BMPR1B: variants seen among roughly 807,000 people sequenced by gnomAD.
The protein encoded by BMPR1B is bone morphogenetic protein receptor type-1B.
In BMPR1B, 12 loss-of-function variants were observed where a neutral mutation model predicts 59.1. That is an observed-to-expected ratio of 0.20 (90% CI 0.13 to 0.33). BMPR1B has a LOEUF of 0.33. Ranked by LOEUF, BMPR1B falls within the 10% of genes least tolerant of loss-of-function variation. The pLI is 1.00. For missense variants in BMPR1B, 550 were observed against 610.9 expected, an observed-to-expected ratio of 0.90 and a Z score of 1.05; for synonymous variants, 237 against 207.3, an observed-to-expected ratio of 1.14 and a Z score of -1.23.
At chr4:95,105,873 G>A (rs995386415) in intron 4 of BMPR1B, among the ~76,000 whole-genome samples, 4 of 151,990 alleles carry the variant, frequency 2.6e-5, no homozygotes, top group Admixed American at 2.0e-4. Context: ...AGCAAAATTA[G>A]CAGGAGCAAA....
intron 6 of BMPR1B, among the ~76,000 whole-genome samples, chr4:95,116,085 T>A (rs1483328165): frequency 6.6e-6 from 1 of 152,150 alleles, no homozygotes; most frequent in Admixed American, 6.6e-5. Context: ...ACTCTGCTTC[T>A]CCCTGAAAGT....
chr4:95,051,584 G>T (rs1021939509), intron 3 of BMPR1B: 7 of 928,692 alleles, frequency 7.5e-6, no homozygotes, highest in Non-Finnish European at 1.1e-5. Context: ...AGGGTTGCTG[G>T]CAGGCTTGCG....
intron 3 of BMPR1B, among the ~76,000 whole-genome samples, chr4:95,018,397 G>A (rs1464767945): frequency 2.0e-5 from 3 of 152,096 alleles, no homozygotes; most frequent in Non-Finnish European, 4.4e-5. Context: ...AAATAATGAA[G>A]CCATTTACTC....
intron 2 of BMPR1B, among the ~76,000 whole-genome samples, chr4:94,895,436 G>A (rs927273632): frequency 2.6e-5 from 4 of 151,800 alleles, no homozygotes; most frequent in East Asian, 1.9e-4. Flanking sequence ...TTAGACAAAC[G>A]TATCTAGTAT....
chr4:95,027,240 C>A (rs1439135523), intron 3 of BMPR1B, among the ~76,000 whole-genome samples: 1 of 151,972 alleles, frequency 6.6e-6, no homozygotes, highest in African/African-American at 2.4e-5. Flanking sequence ...ACTTGTTTCC[C>A]AATTAGCTTA....
intron 3 of BMPR1B, among the ~76,000 whole-genome samples, chr4:95,089,723 T>C (rs1729841996): frequency 6.6e-6 from 1 of 152,088 alleles, no homozygotes; most frequent in African/African-American, 2.4e-5. Flanking sequence ...AGATCTCTCC[T>C]TAGTGTTTCT....
chr4:94,964,136 T>C (rs1730468796), intron 2 of BMPR1B, among the ~76,000 whole-genome samples: 2 of 152,192 alleles, frequency 1.3e-5, no homozygotes, highest in Non-Finnish European at 1.5e-5. Flanking sequence ...TGTTAGCTTT[T>C]AGCATATATA....
intron 2 of BMPR1B, among the ~76,000 whole-genome samples, chr4:94,968,301 T>C (rs3796425): frequency 0.52 from 78,604 of 151,860 alleles, 20,932 homozygotes; most frequent in African/African-American, 0.61. Flanking sequence ...AGGCTGCACC[T>C]GGAGGAACAT....
intron 3 of BMPR1B, among the ~76,000 whole-genome samples, chr4:95,101,084 T>C (rs1226955032): frequency 2.6e-5 from 4 of 152,140 alleles, no homozygotes; most frequent in South Asian, 2.1e-4. Flanking sequence ...TAGGATAACA[T>C]TGCAGAGCTG....
At position 95,129,942 on chromosome 4, in the gene BMPR1B, G is replaced by C. The variant is rs1733195347; in HGVS notation, c.666G>C (p.Lys222Asn). ...KGRYGEVWMG[K>N]WRGEKVAVKV... ...GCTATGGGGAAGTTTGGATGGGAAA[G>C]TGGCGTGGCGAAAAGGTAGCTGTGA... is the stretch of plus-strand genomic sequence containing the variant. Residue 222 changes from lysine to asparagine, a missense_variant, in exon 9 of 13, where the codon AAG becomes AAC. By Grantham distance (94) the Lys-to-Asn change is moderately conservative. Around this residue, in one of 6 missense-constraint regions of BMPR1B, gnomAD observed 318 missense variants for 284.6 expected, o/e 1.12. Coordinates refer to ENST00000515059, the MANE Select transcript of BMPR1B (RefSeq NM_001203.3). 8 of 1,613,948 alleles carry C rather than the reference G, an allele frequency of 5.0e-6. No homozygotes were observed. The highest frequency in any genetic ancestry group is 6.8e-6 in the Non-Finnish European group (8 of 1,179,904).
intron 3 of BMPR1B, among the ~76,000 whole-genome samples, chr4:95,090,668 C>T (rs574551520): frequency 6.6e-5 from 10 of 152,062 alleles, no homozygotes; most frequent in African/African-American, 2.2e-4. Flanking sequence ...GTGCTTACAG[C>T]ACTTTGAAAT....
Position 95,152,755 on chromosome 4 carries a change from C to T in BMPR1B, c.1365C>T (p.Asn455=). Reference sequence around the variant, plus strand: ...AGAAGTTACGCCCCTCATTCCCAAACCGGTGGAGCAGTGATGAGGTAAGGC... The same window carrying T: ...AGAAGTTACGCCCCTCATTCCCAAATCGGTGGAGCAGTGATGAGGTAAGGC... ...CIKKLRPSFP[N]RWSSDECLRQ... Residue 455 remains asparagine, a synonymous_variant, in exon 12 of 13, where the codon AAC becomes AAT. Coordinates refer to ENST00000515059, the MANE Select transcript of BMPR1B (RefSeq NM_001203.3). The T allele has an allele frequency of 1.9e-6, 3 of 1,611,910 alleles. No homozygotes were observed. The highest frequency in any genetic ancestry group is 2.5e-6 in the Non-Finnish European group (3 of 1,179,080).
intron 2 of BMPR1B, among the ~76,000 whole-genome samples, chr4:94,980,991 TCACACACACACA>T (rs71583675): frequency 1.4e-4 from 3 of 21,762 alleles, no homozygotes; most frequent in Admixed American, 5.4e-4. Context: ...CAAGACTCCA[TCACACACACACA>T]CACACACACA....
At chr4:95,133,834 C>T (rs768109627) in intron 10 of BMPR1B, among the ~76,000 whole-genome samples, 3 of 151,132 alleles carry the variant, frequency 2.0e-5, no homozygotes, top group African/African-American at 4.8e-5. Flanking sequence ...CCTCCCAAAA[C>T]GCTGGGATTA....
intron 1 of BMPR1B, among the ~76,000 whole-genome samples, chr4:94,845,350 T>A (rs1011273773): frequency 2.0e-5 from 3 of 151,986 alleles, no homozygotes; most frequent in Admixed American, 6.6e-5. Flanking sequence ...ATTCTTTTTT[T>A]TTTTTTTTTT....
At chr4:94,978,498 C>CA (rs1173567144) in intron 2 of BMPR1B, among the ~76,000 whole-genome samples, 3 of 152,188 alleles carry the variant, frequency 2.0e-5, no homozygotes, top group African/African-American at 7.2e-5. Flanking sequence ...TCTGGATAAG[C>CA]AGACTGCTAA....
intron 1 of BMPR1B, among the ~76,000 whole-genome samples, chr4:94,759,988 G>A (rs1721697932): frequency 6.6e-6 from 1 of 152,152 alleles, no homozygotes. Flanking sequence ...GATACAGTGT[G>A]TTATTTGTCC....
At chr4:95,053,588 G>T (rs1395417034) in intron 3 of BMPR1B, among the ~76,000 whole-genome samples, 1 of 152,024 alleles carries the variant, frequency 6.6e-6, no homozygotes, top group Non-Finnish European at 1.5e-5. Context: ...CTGAAAGTTT[G>T]CTGTTGTTAG....
chr4:94,963,663 C>A (rs1240061262), intron 2 of BMPR1B, among the ~76,000 whole-genome samples: 1 of 152,000 alleles, frequency 6.6e-6, no homozygotes, highest in Non-Finnish European at 1.5e-5. Context: ...AATTGTGGAA[C>A]TAGTTATGGG....
Sources: allele counts gnomAD v4.1 joint callset (sites outside exome capture counted in the v4.1 genomes callset), GRCh38; gene constraint gnomAD v4.1.1; regional missense constraint gnomAD v4.1.1; transcripts MANE v1.5; gene names NCBI Gene and HGNC (gene_info 2026-07-23, HGNC 2026-07-21).